LOC122539214: variants seen among roughly 807,000 people sequenced by gnomAD.
chr19:52,690,457 C>T, the LOC122539214 span: 2 of 187,940 alleles, frequency 1.1e-5, no homozygotes, highest in South Asian at 7.8e-5. Flanking sequence ...GCGGTGTGAC[C>T]GTCACTCCAC....
the LOC122539214 span, among the ~76,000 whole-genome samples, chr19:52,686,602 C>T: frequency 6.6e-6 from 1 of 151,936 alleles, no homozygotes; most frequent in African/African-American, 2.4e-5. Flanking sequence ...GAGATGGAGA[C>T]TCGCTATGCC....
chr19:52,657,201 G>A, the LOC122539214 span, among the ~76,000 whole-genome samples: 1 of 152,148 alleles, frequency 6.6e-6, no homozygotes, highest in Non-Finnish European at 1.5e-5. Flanking sequence ...AAAATGAGAA[G>A]GTCAGCCAAC....
the LOC122539214 span, among the ~76,000 whole-genome samples, chr19:52,682,774 A>G: frequency 0.3 from 45,384 of 152,086 alleles, 8,073 homozygotes; most frequent in South Asian, 0.41. Context: ...GGAGGCTAAA[A>G]TGGGGATCAC....
chr19:52,674,688 A>T, the LOC122539214 span, among the ~76,000 whole-genome samples: 2 of 152,280 alleles, frequency 1.3e-5, no homozygotes, highest in East Asian at 3.9e-4. Flanking sequence ...TTAAACTAAG[A>T]TATACTTAGG....
chr19:52,683,787 T>A, the LOC122539214 span, among the ~76,000 whole-genome samples: 1 of 152,136 alleles, frequency 6.6e-6, no homozygotes, highest in Non-Finnish European at 1.5e-5. Flanking sequence ...TGTGGGAACA[T>A]CCTCACATTT....
At chr19:52,683,254 GTGTGTGTGTGTGTGTGTGTGTGTGTGTA>G in the LOC122539214 span, among the ~76,000 whole-genome samples, 10 of 144,478 alleles carry the variant, frequency 6.9e-5, no homozygotes, top group African/African-American at 2.4e-4. Flanking sequence ...GTGTGTGTGT[GTGTGTGTGTGTGTGTGTGTGTGTGTGTA>G]TGCTCACGTG....
the LOC122539214 span, chr19:52,674,310 T>C: frequency 6.6e-6 from 1 of 152,226 alleles, no homozygotes; most frequent in African/African-American, 2.4e-5. Flanking sequence ...ATCCATGAAA[T>C]GACCACAGCT....
At chr19:52,671,107 G>A in the LOC122539214 span, among the ~76,000 whole-genome samples, 7 of 152,086 alleles carry the variant, frequency 4.6e-5, no homozygotes, top group African/African-American at 7.2e-5. Context: ...CCTCACAAAC[G>A]ATACCTTTGA....
At chr19:52,651,683 CAAAAAAA>C in the LOC122539214 span, 5 of 117,286 alleles carry the variant, frequency 4.3e-5, no homozygotes, top group East Asian at 2.4e-4. Context: ...GACTCTGTCT[CAAAAAAA>C]AAAAAAAAAA....
chr19:52,674,963 T>TACC, the LOC122539214 span, among the ~76,000 whole-genome samples: 1 of 152,166 alleles, frequency 6.6e-6, no homozygotes, highest in Non-Finnish European at 1.5e-5. Context: ...TCAAGTGATC[T>TACC]ACCCACCTTG....
the LOC122539214 span, among the ~76,000 whole-genome samples, chr19:52,681,547 C>T: frequency 5.9e-5 from 9 of 152,132 alleles, no homozygotes; most frequent in Non-Finnish European, 1.0e-4. Context: ...TGTCTTAAGC[C>T]ATAAAATAAC....
chr19:52,683,528 A>ACCCTAACTCTG, the LOC122539214 span, among the ~76,000 whole-genome samples: 1 of 82,688 alleles, frequency 1.2e-5, no homozygotes, highest in Non-Finnish European at 2.3e-5. Context: ...ATCCAAAGGG[A>ACCCTAACTCTG]AGGGCAAAGT....
chr19:52,673,826 T>A, the LOC122539214 span, among the ~76,000 whole-genome samples: 1 of 150,932 alleles, frequency 6.6e-6, no homozygotes, highest in Admixed American at 6.6e-5. Context: ...ACCAGCCTGG[T>A]CAACATGGTG....
chr19:52,685,393 A>G, the LOC122539214 span, among the ~76,000 whole-genome samples: 1 of 152,166 alleles, frequency 6.6e-6, no homozygotes, highest in Non-Finnish European at 1.5e-5. Flanking sequence ...ATCCTTGAAA[A>G]TTACAGAAGC....
At chr19:52,659,317 G>C in the LOC122539214 span, among the ~76,000 whole-genome samples, 1 of 152,134 alleles carries the variant, frequency 6.6e-6, no homozygotes, top group Non-Finnish European at 1.5e-5. Context: ...AAGCCAGTGA[G>C]TAATCAGTAA....
chr19:52,683,228 C>CTGTGTGTGTGTGTGTGTGTG, the LOC122539214 span, among the ~76,000 whole-genome samples: 1 of 128,060 alleles, frequency 7.8e-6, no homozygotes, highest in Non-Finnish European at 1.7e-5. Flanking sequence ...CCCTGTGACT[C>CTGTGTGTGTGTGTGTGTGTG]TGTGTGTGTG....
the LOC122539214 span, among the ~76,000 whole-genome samples, chr19:52,658,333 G>A: frequency 6.6e-6 from 1 of 151,974 alleles, no homozygotes; most frequent in South Asian, 2.1e-4. Flanking sequence ...TGGGAAGCCA[G>A]GGTGTGGGGA....
chr19:52,656,309 G>C, the LOC122539214 span, among the ~76,000 whole-genome samples: 1 of 151,696 alleles, frequency 6.6e-6, no homozygotes, highest in South Asian at 2.1e-4. Flanking sequence ...ATCACTTAAG[G>C]TCAGGAGTTT....
At chr19:52,670,478 G>T in the LOC122539214 span, among the ~76,000 whole-genome samples, 3 of 151,990 alleles carry the variant, frequency 2.0e-5, no homozygotes, top group African/African-American at 7.3e-5. Flanking sequence ...TAAGTAAATT[G>T]CCTTTCTGAG....
Sources: allele counts gnomAD v4.1 joint callset (sites outside exome capture counted in the v4.1 genomes callset), GRCh38; gene constraint gnomAD v4.1.1; transcripts MANE v1.5.